Variants in SCHIP1 observed in about 807,000 individuals in gnomAD.
SCHIP1 encodes schwannomin interacting protein 1, also known as schwannomin-interacting protein 1.
A neutral mutation model predicts 29.7 loss-of-function variants in SCHIP1; 8 were observed. The observed-to-expected ratio is 0.27, with a 90% CI of 0.16 to 0.49. The LOEUF (loss-of-function observed/expected upper bound fraction) is 0.49. SCHIP1 is among the 20% of genes least tolerant of loss of function. The pLI is 0.99. For synonymous variants in SCHIP1, 76 were observed against 94.9 expected (o/e 0.80, Z 1.16); for missense variants, 193 against 294.6 (o/e 0.66, Z 2.52).
chr3:159,374,127 T>G, the SCHIP1 span, among the ~76,000 whole-genome samples: 1 of 152,102 alleles, frequency 6.6e-6, no homozygotes, highest in Non-Finnish European at 1.5e-5. Flanking sequence ...TTTTAAAAAT[T>G]TTTATATTCT....
the SCHIP1 span, among the ~76,000 whole-genome samples, chr3:159,527,345 C>A: frequency 6.6e-6 from 1 of 152,196 alleles, no homozygotes; most frequent in Non-Finnish European, 1.5e-5. Context: ...GTCAGGACAA[C>A]AAATGTGTAG....
chr3:159,715,073 T>C, the SCHIP1 span, among the ~76,000 whole-genome samples: 6 of 152,292 alleles, frequency 3.9e-5, no homozygotes, highest in Non-Finnish European at 8.8e-5. Context: ...GGCAGCAACA[T>C]TTGCCATTCT....
chr3:159,549,716 G>A, the SCHIP1 span, among the ~76,000 whole-genome samples: 1 of 152,118 alleles, frequency 6.6e-6, no homozygotes, highest in Admixed American at 6.5e-5. Flanking sequence ...TGTTATGGCA[G>A]CCTGAGAAGA....
At chr3:159,345,804 A>C in the SCHIP1 span, among the ~76,000 whole-genome samples, 1 of 152,300 alleles carries the variant, frequency 6.6e-6, no homozygotes, top group African/African-American at 2.4e-5. Context: ...GGGCCTGAGG[A>C]TGTGTCTTGG....
the SCHIP1 span, among the ~76,000 whole-genome samples, chr3:159,508,492 T>G: frequency 6.6e-6 from 1 of 152,358 alleles, no homozygotes; most frequent in African/African-American, 2.4e-5. Context: ...ATCTTAGTTA[T>G]TTCTTGCCTT....
the SCHIP1 span, among the ~76,000 whole-genome samples, chr3:159,818,151 G>A: frequency 2.5e-5 from 3 of 120,468 alleles, no homozygotes; most frequent in Non-Finnish European, 3.7e-5. Context: ...CTGCTGTGGT[G>A]TGGAAATTTC....
At chr3:159,445,339 A>T in the SCHIP1 span, among the ~76,000 whole-genome samples, 1 of 151,504 alleles carries the variant, frequency 6.6e-6, no homozygotes. Flanking sequence ...ACCATCTCAC[A>T]CCAGTTAGAA....
chr3:159,626,179 TCTAGATAGATAG>T, the SCHIP1 span, among the ~76,000 whole-genome samples: 1,792 of 106,912 alleles, frequency 0.017, 186 homozygotes, highest in African/African-American at 0.088. Context: ...TATCTATCTA[TCTAGATAGATAG>T]ATAGATAGAT....
At chr3:159,458,560 TTTTC>T in the SCHIP1 span, among the ~76,000 whole-genome samples, 1 of 132,092 alleles carries the variant, frequency 7.6e-6, no homozygotes, top group South Asian at 2.7e-4. Context: ...ATGAACTGAC[TTTTC>T]TTTTTTTTTT....
the SCHIP1 span, among the ~76,000 whole-genome samples, chr3:159,449,943 AAAGAGAGAG>A: frequency 3.9e-5 from 6 of 152,196 alleles, no homozygotes; most frequent in South Asian, 1.0e-3. Context: ...AAGGAAAGAA[AAAGAGAGAG>A]AAGAGAGGGA....
upstream of SCHIP1, among the ~76,000 whole-genome samples, chr3:159,838,027 G>C (rs1023613991): frequency 6.6e-6 from 1 of 152,158 alleles, no homozygotes; most frequent in Non-Finnish European, 1.5e-5. Context: ...TCTGCACGGT[G>C]AGTCTCCAGA....
the SCHIP1 span, among the ~76,000 whole-genome samples, chr3:159,341,281 A>G: frequency 6.6e-6 from 1 of 152,110 alleles, no homozygotes; most frequent in Non-Finnish European, 1.5e-5. Context: ...GGTTTCTCTT[A>G]GCAGTTGAAA....
the SCHIP1 span, among the ~76,000 whole-genome samples, chr3:159,625,451 C>G: frequency 0.18 from 27,978 of 151,882 alleles, 7,415 homozygotes; most frequent in African/African-American, 0.59. Context: ...CAAATACGTA[C>G]CTCAAGAGCC....
At chr3:159,788,082 C>T in the SCHIP1 span, among the ~76,000 whole-genome samples, 6 of 152,170 alleles carry the variant, frequency 3.9e-5, no homozygotes, top group East Asian at 7.7e-4. Context: ...AGCATTACAA[C>T]AATCCCCGCA....
chr3:159,568,843 T>C, the SCHIP1 span, among the ~76,000 whole-genome samples: 1 of 152,188 alleles, frequency 6.6e-6, no homozygotes, highest in African/African-American at 2.4e-5. Flanking sequence ...TCAACAATTA[T>C]GGATTTGTCA....
chr3:159,427,511 G>A, the SCHIP1 span, among the ~76,000 whole-genome samples: 2 of 152,060 alleles, frequency 1.3e-5, no homozygotes, highest in African/African-American at 4.8e-5. Flanking sequence ...ACCTCTTCAA[G>A]GAGAACTACA....
the SCHIP1 span, among the ~76,000 whole-genome samples, chr3:159,609,278 G>A: frequency 6.6e-6 from 1 of 152,084 alleles, no homozygotes; most frequent in African/African-American, 2.4e-5. Flanking sequence ...CGTGTGCAAA[G>A]GAACTGGAGT....
At chr3:159,792,934 G>A in the SCHIP1 span, among the ~76,000 whole-genome samples, 2 of 152,264 alleles carry the variant, frequency 1.3e-5, no homozygotes, top group South Asian at 4.1e-4. Flanking sequence ...ATAGCCTTAA[G>A]CAACCTGTTT....
At chr3:159,789,132 C>CAGAGAG in the SCHIP1 span, among the ~76,000 whole-genome samples, 232 of 150,642 alleles carry the variant, frequency 1.5e-3, no homozygotes, top group African/African-American at 4.2e-3. Flanking sequence ...TCTATATATA[C>CAGAGAG]AGAGAGAGAG....
Sources: gnomAD v4.1 joint callset for allele counts (sites outside exome capture counted in the v4.1 genomes callset) on GRCh38, gnomAD v4.1.1 for gene constraint, MANE v1.5 for transcripts, NCBI Gene and HGNC (gene_info 2026-07-23, HGNC 2026-07-21) for gene names.